The following KAT2B variants were observed in gnomAD, a reference collection of about 807,000 sequenced individuals.
The protein encoded by KAT2B is histone acetyltransferase KAT2B.
In KAT2B, 36 loss-of-function variants were observed where a neutral mutation model predicts 105.9. That is an observed-to-expected ratio of 0.34 (90% CI 0.26 to 0.45). The LOEUF is 0.45. Among genes scored for constraint, KAT2B ranks in the 20% least tolerant of loss-of-function variants. The pLI is 1.00. For missense variants in KAT2B, 820 were observed against 1,021.6 expected, an observed-to-expected ratio of 0.80 and a Z score of 2.69; for synonymous variants, 397 against 377.9, an observed-to-expected ratio of 1.05 and a Z score of -0.59.
chr3:20,131,449 G>A (rs1014651572), intron 11 of KAT2B, among the ~76,000 whole-genome samples: 1 of 152,146 alleles, frequency 6.6e-6, no homozygotes, highest in Non-Finnish European at 1.5e-5. Context: ...TGCCAACCCA[G>A]CAACACTAGA....
chr3:20,146,712 A>G (rs57008249), intron 14 of KAT2B: 2,204 of 212,790 alleles, frequency 0.01, 40 homozygotes, highest in African/African-American at 0.046. Context: ...TATTACACAT[A>G]TGCAACCTTG....
intron 15 of KAT2B, 107 bp from the exon 16 acceptor site, chr3:20,148,136 G>A (rs1699809471): frequency 1.5e-6 from 2 of 1,351,612 alleles, no homozygotes; most frequent in Non-Finnish European, 2.1e-6. Flanking sequence ...AAAACATTCT[G>A]GAATGGTTCC....
At chr3:20,135,633 G>A (rs914195275) in intron 11 of KAT2B, among the ~76,000 whole-genome samples, 37 of 145,322 alleles carry the variant, frequency 2.5e-4, no homozygotes, top group Admixed American at 1.1e-3. Context: ...CAGCCTGGGT[G>A]ACAGAGCAAG....
Position 20,111,762 on chromosome 3 carries a change from A to T in KAT2B, c.1018A>T (p.Thr340Ser). Residue 340 changes from threonine (T) to serine (S), a missense_variant, in exon 6 of 18, where the codon ACT becomes TCT. Around this residue, in one of 6 missense-constraint regions of KAT2B, gnomAD observed 173 missense variants for 249.5 expected, o/e 0.69. Transcript: ENST00000263754. ...EKDKLPLEKRTLILTHFPKFL... is the reference protein window; with the variant it reads ...EKDKLPLEKRSLILTHFPKFL... The stretch of plus-strand genomic sequence containing the variant: ...AGATAAACTGCCTCTTGAAAAACGA[A>T]CTCTAATCCTCACTCATTTCCCAAA... The T allele has an allele frequency of 6.2e-7, 1 of 1,613,532 alleles. No homozygotes were observed. The highest frequency in any genetic ancestry group is 1.1e-5 in the South Asian group (1 of 90,960).
At position 20,085,511 on chromosome 3, in the gene KAT2B, CTTT is replaced by C. The variant is rs11346744; in HGVS notation, c.431-9739_431-9737del. 4.3e-3 allele frequency among the ~76,000 whole-genome samples: 588 copies of C among 137,600 alleles called. 5 individuals carry two copies. The highest frequency in any genetic ancestry group is 0.015 in the African/African-American group (544 of 35,904). 90.3% of individuals were successfully genotyped at this position (137,600 alleles called of 152,430 possible). A position where few individuals can be genotyped will look rare whatever the true frequency, so the allele number is the denominator to read the frequency against. Reference sequence around the variant, plus strand: ...CATAATTTTTCTTTTTTCTTTCTTTCTTTTTTTTTTTTTTTGCAGGGGGCAGAG... The same window carrying C: ...CATAATTTTTCTTTTTTCTTTCTTTCTTTTTTTTTTTTGCAGGGGGCAGAG... On this transcript the variant is annotated intron_variant, in intron 2 of 17. Transcript: ENST00000263754.
At chr3:20,072,561 CCT>C (rs1698344506) in intron 2 of KAT2B, 102 bp downstream of exon 2, 1 of 1,077,502 alleles carries the variant, frequency 9.3e-7, no homozygotes, top group African/African-American at 1.6e-5. Flanking sequence ...ATGCTGTGTA[CCT>C]CTGTATGAGA....
intron 2 of KAT2B, among the ~76,000 whole-genome samples, chr3:20,080,942 A>G (rs938320660): frequency 5.9e-5 from 9 of 152,222 alleles, no homozygotes; most frequent in Non-Finnish European, 1.0e-4. Context: ...TTAAATTTAC[A>G]TATGTGGCTT....
At chr3:20,113,550 T>C (rs898041832) in intron 6 of KAT2B, among the ~76,000 whole-genome samples, 1 of 152,210 alleles carries the variant, frequency 6.6e-6, no homozygotes, top group Non-Finnish European at 1.5e-5. Context: ...CTATTACTAA[T>C]GGTGGGGTAA....
At chr3:20,078,946 C>T (rs556215054) in intron 2 of KAT2B, among the ~76,000 whole-genome samples, 7 of 150,750 alleles carry the variant, frequency 4.6e-5, no homozygotes, top group South Asian at 4.2e-4. Context: ...GCGATCTCCA[C>T]GATCTCAGCT....
At chr3:20,053,104 T>A (rs1267450374) in intron 1 of KAT2B, among the ~76,000 whole-genome samples, 1 of 152,224 alleles carries the variant, frequency 6.6e-6, no homozygotes, top group Non-Finnish European at 1.5e-5. Context: ...TTCCCCTTGG[T>A]TCATGGCAGA....
At chr3:20,124,258 C>G (rs541404255) in intron 9 of KAT2B, among the ~76,000 whole-genome samples, 1 of 152,144 alleles carries the variant, frequency 6.6e-6, no homozygotes, top group African/African-American at 2.4e-5. Context: ...ATACCTGAGA[C>G]TGGGTAATTT....
intron 4 of KAT2B, among the ~76,000 whole-genome samples, chr3:20,100,253 G>C (rs1323862651): frequency 6.6e-6 from 1 of 152,136 alleles, no homozygotes; most frequent in Non-Finnish European, 1.5e-5. Flanking sequence ...GCTTTTTCTT[G>C]TTGTTGGTGC....
At chr3:20,078,489 C>G (rs1316164819) in intron 2 of KAT2B, among the ~76,000 whole-genome samples, 2 of 152,032 alleles carry the variant, frequency 1.3e-5, no homozygotes, top group African/African-American at 4.8e-5. Flanking sequence ...CCTTTCACTT[C>G]AGCCTCTCGA....
chr3:20,112,381 T>A (rs993360124), intron 6 of KAT2B, among the ~76,000 whole-genome samples: 15 of 152,198 alleles, frequency 9.9e-5, no homozygotes, highest in Non-Finnish European at 1.6e-4. Flanking sequence ...CTTGCACCTG[T>A]CAGAGCTCCA....
At position 20,041,137 on chromosome 3, in the gene KAT2B, G is replaced by A. The variant is rs904340556; in HGVS notation, c.303+357G>A. Among the ~76,000 whole-genome samples, 6 of 152,118 alleles carry A rather than the reference G, an allele frequency of 3.9e-5. No individual in the cohort carries two copies. The East Asian group carries it at 5.8e-4, about 15-fold the overall frequency. On this transcript the variant is annotated intron_variant, in intron 1 of 17. Transcript: ENST00000263754. Reference sequence around the variant, plus strand: ...GAGCGGTGCTCTCCATGTGGCGGGTGACCCAGGGGCAAGGAAAAATCTTTT... The same window carrying A: ...GAGCGGTGCTCTCCATGTGGCGGGTAACCCAGGGGCAAGGAAAAATCTTTT...
chr3:20,062,708 T>C (rs934861471), intron 1 of KAT2B, among the ~76,000 whole-genome samples: 9 of 151,866 alleles, frequency 5.9e-5, no homozygotes, highest in East Asian at 3.9e-4. Context: ...GTGATCCACC[T>C]GCCTCAGCCT....
At chr3:20,122,025 G>A (rs1404772000) in intron 8 of KAT2B, among the ~76,000 whole-genome samples, 4 of 152,080 alleles carry the variant, frequency 2.6e-5, no homozygotes, top group South Asian at 4.1e-4. Context: ...GTGGGGTGCC[G>A]GTGGGGGCGG....
chr3:20,135,377 G>A (rs981054094), intron 11 of KAT2B, among the ~76,000 whole-genome samples: 1 of 152,028 alleles, frequency 6.6e-6, no homozygotes, highest in African/African-American at 2.4e-5. Flanking sequence ...ATTAGTGGCC[G>A]GGCGCGGTGG....
intron 2 of KAT2B, among the ~76,000 whole-genome samples, chr3:20,093,533 T>C (rs917915835): frequency 6.6e-6 from 1 of 152,170 alleles, no homozygotes; most frequent in Non-Finnish European, 1.5e-5. Flanking sequence ...ATTAGCAGCA[T>C]CCTCTATCCC....
Sources: allele counts gnomAD v4.1 joint callset (sites outside exome capture counted in the v4.1 genomes callset), GRCh38; gene constraint gnomAD v4.1.1; regional missense constraint gnomAD v4.1.1; transcripts MANE v1.5; gene names NCBI Gene and HGNC (gene_info 2026-07-23, HGNC 2026-07-21).